The following NRP2 variants were observed in gnomAD, a reference collection of about 807,000 sequenced individuals.
NRP2 encodes neuropilin 2, also known as neuropilin-2.
NRP2 carries 52 observed loss-of-function variants against 110.4 expected under a neutral mutation model. That is an observed-to-expected ratio of 0.47 (90% confidence interval 0.38 to 0.59). The LOEUF is 0.59. Among genes scored for constraint, NRP2 ranks in the 20% least tolerant of loss-of-function variants. The pLI is 0.00. For missense variants in NRP2, 1,049 were observed against 1,203.0 expected (o/e 0.87, Z 1.89); for synonymous variants, 508 against 468.9 (o/e 1.08, Z -1.08).
chr2:205,773,274 C>T (rs1438169180), intron 15 of NRP2, among the ~76,000 whole-genome samples: 1 of 152,214 alleles, frequency 6.6e-6, no homozygotes, highest in Non-Finnish European at 1.5e-5. Context: ...AGCTGCAAGT[C>T]AACCAAGAGT....
intron 1 of NRP2, among the ~76,000 whole-genome samples, chr2:205,690,488 C>G (rs887152210): frequency 1.3e-5 from 2 of 151,888 alleles, no homozygotes; most frequent in African/African-American, 4.8e-5. Context: ...GTAATCCCAG[C>G]ACTTTGGGAG....
chr2:205,696,110 T>G (rs930570358), intron 1 of NRP2, among the ~76,000 whole-genome samples: 3 of 152,234 alleles, frequency 2.0e-5, no homozygotes, highest in Admixed American at 6.5e-5. Flanking sequence ...GGAGGCTTGA[T>G]GCCGAAAAGG....
At chr2:205,777,029 G>C (rs1225701924) in intron 15 of NRP2, 8 of 1,018,342 alleles carry the variant, frequency 7.9e-6, no homozygotes, top group Non-Finnish European at 8.2e-6. Context: ...GGCGAGGGGT[G>C]AGTGTTCAGA....
At chr2:205,790,821 G>A (rs1292288687) in intron 15 of NRP2, among the ~76,000 whole-genome samples, 1 of 152,192 alleles carries the variant, frequency 6.6e-6, no homozygotes, top group Non-Finnish European at 1.5e-5. Flanking sequence ...TGGGCGTTGA[G>A]GTGGGGAGGC....
Position 205,776,342 on chromosome 2 carries a change from C to T in NRP2, c.2425+9539C>T, listed in dbSNP as rs755240472. ...TATTACGTAATGGCCGCCGGGGGCG[C>T]CGTGCTGGTGCTGGTCTCCGTCGCG... On this transcript the variant is annotated intron_variant, in intron 15 of 16. Coordinates refer to ENST00000357785, the MANE Select transcript of NRP2 (RefSeq NM_003872.3). 12 of 1,612,886 alleles carry T rather than the reference C, an allele frequency of 7.4e-6. No individual in the cohort carries two copies. The South Asian group carries it at 1.3e-4, about 18-fold the overall frequency.
chr2:205,778,220 A>T (rs78556418), intron 15 of NRP2: 2 of 141,600 alleles, frequency 1.4e-5, no homozygotes, highest in Non-Finnish European at 3.1e-5. Flanking sequence ...AATACTAATG[A>T]TTTTTTTTTT....
In NRP2 at chr2:205,728,145, G is replaced by C. The variant is rs921413874; in HGVS notation, c.1146+99G>C. ...GACCTCCTACAGGAGAGAGGGCCTT[G>C]TGTAGTCAGGCTCAGATAATTGATG... On this transcript the variant is annotated intron_variant, in intron 7 of 16. Coordinates refer to ENST00000357785, the MANE Select transcript of NRP2 (RefSeq NM_003872.3). 3 of 1,379,820 alleles carry C rather than the reference G, an allele frequency of 2.2e-6. No individual in the cohort carries two copies. In the African/African-American group the frequency reaches 4.3e-5, roughly 20 times the overall value. 85.5% of individuals were successfully genotyped at this position (1,379,820 alleles called of 1,614,324 possible). A position where few individuals can be genotyped will look rare whatever the true frequency, so the allele number is the denominator to read the frequency against.
Position 205,727,900 on chromosome 2 carries a change from C to G in NRP2, c.1000C>G (p.Arg334Gly). Reference protein sequence around the residue: ...SNKEYLQVDLRFLTMLTAIAT... With the variant: ...SNKEYLQVDLGFLTMLTAIAT... The stretch of plus-strand genomic sequence containing the variant: ...GCCCTCTATTCCCCAGGTGGACCTG[C>G]GCTTTTTAACCATGCTCACGGCCAT... Residue 334 changes from arginine to glycine, a missense_variant, in exon 7 of 17, where the codon CGC (arginine) becomes GGC (glycine). Physicochemically the swap from Arg to Gly is moderately radical, Grantham distance 125 (BLOSUM62 -2). Transcript: ENST00000357785. 1 of 1,613,244 alleles carries G rather than the reference C, an allele frequency of 6.2e-7. No individual in the cohort carries two copies. The highest frequency in any genetic ancestry group is 8.5e-7 in the Non-Finnish European group (1 of 1,179,644).
chr2:205,715,802 G>A (rs1371842722), intron 2 of NRP2, among the ~76,000 whole-genome samples: 1 of 152,126 alleles, frequency 6.6e-6, no homozygotes, highest in South Asian at 2.1e-4. Context: ...AGAAATTGAT[G>A]CTCAAAGGGG....
intron 7 of NRP2, among the ~76,000 whole-genome samples, chr2:205,739,580 TA>T (rs1295517981): frequency 6.6e-6 from 1 of 152,040 alleles, no homozygotes; most frequent in Non-Finnish European, 1.5e-5. Context: ...TTGTTACAGC[TA>T]TGACAGAAAT....
rs1163614461 is a variant in NRP2 at position 205,740,374 on chromosome 2, G to T, written c.1147-145G>T. The T allele has an allele frequency of 1.3e-5, 11 of 814,914 alleles. No individual in the cohort carries two copies. The Admixed American group carries it at 2.0e-4, about 15-fold the overall frequency. The allele number at this position is 814,914 out of a possible 1,614,324, so 50.5% of individuals were successfully genotyped here. Reference sequence around the variant, plus strand: ...TTTTTTTACAGTGTTTCTTTAAAAAGCCCAAAACAACATACCCACTGATTA... The same window carrying T: ...TTTTTTTACAGTGTTTCTTTAAAAATCCCAAAACAACATACCCACTGATTA... On this transcript the variant is annotated intron_variant, in intron 7 of 16. Transcript: ENST00000357785.
intron 6 of NRP2, among the ~76,000 whole-genome samples, chr2:205,726,697 A>G (rs1201125937): frequency 6.6e-6 from 1 of 152,166 alleles, no homozygotes; most frequent in East Asian, 1.9e-4. Context: ...TCCAATTCTC[A>G]TCCCCTGGGA....
intron 1 of NRP2, among the ~76,000 whole-genome samples, chr2:205,690,729 G>A (rs1005135127): frequency 2.0e-5 from 3 of 152,038 alleles, no homozygotes; most frequent in Non-Finnish European, 4.4e-5. Flanking sequence ...GCAGTGGGCC[G>A]AGATTGTGCC....
intron 2 of NRP2, among the ~76,000 whole-genome samples, chr2:205,711,247 T>A (rs2056791857): frequency 1.3e-5 from 2 of 152,068 alleles, no homozygotes; most frequent in Non-Finnish European, 2.9e-5. Context: ...ACCAGGGAAG[T>A]GTCGTAAATT....
intron 2 of NRP2, among the ~76,000 whole-genome samples, chr2:205,712,066 T>C (rs2056809437): frequency 6.6e-6 from 1 of 152,182 alleles, no homozygotes; most frequent in South Asian, 2.1e-4. Flanking sequence ...AATGTAGGTT[T>C]GGGGAGAGAA....
At chr2:205,769,472 G>A (rs1235386707) in intron 15 of NRP2, among the ~76,000 whole-genome samples, 1 of 149,478 alleles carries the variant, frequency 6.7e-6, no homozygotes, top group African/African-American at 2.5e-5. Flanking sequence ...AAATCATCCT[G>A]TGTTTTCTGC....
At chr2:205,785,657 A>G (rs1201782242) in intron 15 of NRP2, among the ~76,000 whole-genome samples, 4 of 152,270 alleles carry the variant, frequency 2.6e-5, no homozygotes, top group Admixed American at 6.5e-5. Flanking sequence ...ATAGCCAAAC[A>G]TGTCTCTGGC....
intron 8 of NRP2, among the ~76,000 whole-genome samples, chr2:205,742,808 G>A (rs2057466923): frequency 3.3e-5 from 5 of 152,206 alleles, no homozygotes; most frequent in Admixed American, 3.3e-4. Context: ...GGTTAGAGCT[G>A]TAAGCACAAA....
At chr2:205,777,735 T>C (rs942580745) in intron 15 of NRP2, 4 of 152,222 alleles carry the variant, frequency 2.6e-5, no homozygotes, top group African/African-American at 9.6e-5. Context: ...TGTTAATGTG[T>C]GCCTGAATCT....
Sources: allele counts gnomAD v4.1 joint callset (sites outside exome capture counted in the v4.1 genomes callset), GRCh38; gene constraint gnomAD v4.1.1; transcripts MANE v1.5; gene names NCBI Gene and HGNC (gene_info 2026-07-23, HGNC 2026-07-21).